The following RALYL variants were observed in gnomAD, a reference collection of about 807,000 sequenced individuals.
RALYL encodes the protein RALY RNA binding protein like, also known as RNA-binding Raly-like protein.
A neutral mutation model predicts 35.1 loss-of-function variants in RALYL; 29 were observed. The observed-to-expected ratio is 0.83, with a 90% CI of 0.61 to 1.13. RALYL has a LOEUF of 1.13. Ranked by LOEUF, RALYL falls within the 50% of genes most tolerant of loss-of-function variation. The pLI is 0.00. For synonymous variants in RALYL, 120 were observed against 127.6 expected, an observed-to-expected ratio of 0.94 and a Z score of 0.40; for missense variants, 359 against 360.4, an observed-to-expected ratio of 1.00 and a Z score of 0.03.
At chr8:84,474,187 T>A (rs1402739358) in intron 1 of RALYL, among the ~76,000 whole-genome samples, 1 of 152,150 alleles carries the variant, frequency 6.6e-6, no homozygotes, top group Non-Finnish European at 1.5e-5. Context: ...AAATGGAGGT[T>A]TAGTAATGAA....
chr8:84,709,243 A>T (rs534677700), intron 2 of RALYL, among the ~76,000 whole-genome samples: 1 of 152,208 alleles, frequency 6.6e-6, no homozygotes, highest in East Asian at 1.9e-4. Flanking sequence ...CACAACCCTC[A>T]TCAGGTCATT....
chr8:84,539,866 A>ATATATG (rs2059892967), intron 2 of RALYL, among the ~76,000 whole-genome samples: 1 of 6,440 alleles, frequency 1.6e-4, no homozygotes. Flanking sequence ...ATATATATAT[A>ATATATG]TATATATATA....
intron 1 of RALYL, among the ~76,000 whole-genome samples, chr8:84,255,282 C>T (rs551653079): frequency 5.8e-4 from 88 of 152,188 alleles, no homozygotes; most frequent in Admixed American, 1.6e-3. Flanking sequence ...ACCAAACCCA[C>T]TGCAAAGTCT....
intron 1 of RALYL, among the ~76,000 whole-genome samples, chr8:84,515,138 C>T (rs573354588): frequency 1.2e-4 from 19 of 152,202 alleles, no homozygotes; most frequent in African/African-American, 4.1e-4. Context: ...TTTATGTTTA[C>T]GACCCTAAGC....
chr8:84,570,328 T>G (rs1460281423), intron 2 of RALYL, among the ~76,000 whole-genome samples: 3 of 151,874 alleles, frequency 2.0e-5, no homozygotes, highest in Non-Finnish European at 4.4e-5. Context: ...CTAAATTGTT[T>G]TTTTTTTCTA....
intron 1 of RALYL, among the ~76,000 whole-genome samples, chr8:84,453,757 A>G (rs1474897445): frequency 3.3e-5 from 5 of 152,054 alleles, no homozygotes; most frequent in Admixed American, 6.6e-5. Context: ...GACTAGTTTC[A>G]TTAATACTAT....
At chr8:84,729,730 C>A (rs1845756912) in intron 2 of RALYL, among the ~76,000 whole-genome samples, 1 of 151,942 alleles carries the variant, frequency 6.6e-6, no homozygotes, top group African/African-American at 2.4e-5. Context: ...GAAATACAAA[C>A]TACCATCAGA....
intron 2 of RALYL, among the ~76,000 whole-genome samples, chr8:84,543,546 A>G (rs2060159332): frequency 6.6e-6 from 1 of 152,070 alleles, no homozygotes; most frequent in Non-Finnish European, 1.5e-5. Flanking sequence ...AGTATTTTCT[A>G]AAGACTAAAA....
intron 1 of RALYL, among the ~76,000 whole-genome samples, chr8:84,358,459 G>T (rs974808717): frequency 2.0e-5 from 3 of 151,944 alleles, no homozygotes; most frequent in Non-Finnish European, 4.4e-5. Flanking sequence ...TACATGAAAC[G>T]ATGTTGTTTA....
At chr8:84,483,011 CTT>C (rs1162091367) in intron 1 of RALYL, among the ~76,000 whole-genome samples, 1 of 151,994 alleles carries the variant, frequency 6.6e-6, no homozygotes, top group African/African-American at 2.4e-5. Flanking sequence ...AAATTAACCT[CTT>C]TATGTAAAAG....
intron 4 of RALYL, among the ~76,000 whole-genome samples, chr8:84,844,734 G>C (rs962311280): frequency 2.0e-5 from 3 of 152,212 alleles, no homozygotes; most frequent in African/African-American, 4.8e-5. Flanking sequence ...GTCCAACAAT[G>C]ATAGAGTGGA....
At chr8:84,680,890 A>G (rs1332434338) in intron 2 of RALYL, among the ~76,000 whole-genome samples, 3 of 151,900 alleles carry the variant, frequency 2.0e-5, no homozygotes, top group Non-Finnish European at 4.4e-5. Context: ...TTTTGTTGCC[A>G]TTGCTTTTGG....
At chr8:84,332,547 C>T (rs146555666) in intron 1 of RALYL, among the ~76,000 whole-genome samples, 8 of 152,094 alleles carry the variant, frequency 5.3e-5, no homozygotes, top group African/African-American at 1.9e-4. Flanking sequence ...TTACAGAAAA[C>T]GAGAAACCAG....
At chr8:84,810,413 A>G (rs1825655814) in intron 4 of RALYL, among the ~76,000 whole-genome samples, 1 of 152,124 alleles carries the variant, frequency 6.6e-6, no homozygotes. Flanking sequence ...TGTATGGCCT[A>G]TGTTTTAGAA....
rs1421272408 is a variant in RALYL at position 84,415,363 on chromosome 8, C to T, written c.-23-113936C>T. 8.6e-5 allele frequency among the ~76,000 whole-genome samples: 13 copies of T among 151,944 alleles called. 1 individual carries two copies. Among genetic ancestry groups the T allele is most frequent in the Admixed American group, 8.5e-4 (13 of 15,254 alleles). On this transcript the variant is annotated intron_variant, in intron 1 of 8. Transcript: ENST00000521268. ...CAAGCGATTCTCCTGCCTCAGCCTCCCTAGTAGCTGGGATTACAGGCGCCT... is the reference window on the plus strand; with the variant it reads ...CAAGCGATTCTCCTGCCTCAGCCTCTCTAGTAGCTGGGATTACAGGCGCCT...
chr8:84,858,009 C>CAATT (rs1388043819), intron 5 of RALYL, among the ~76,000 whole-genome samples: 1 of 151,980 alleles, frequency 6.6e-6, no homozygotes, highest in Admixed American at 6.5e-5. Flanking sequence ...TGTCCAAAAA[C>CAATT]AATTATTGTT....
intron 4 of RALYL, among the ~76,000 whole-genome samples, chr8:84,838,165 TA>T (rs759968048): frequency 1.4e-4 from 21 of 152,292 alleles, no homozygotes; most frequent in East Asian, 1.2e-3. Context: ...TTCTTAGCAA[TA>T]CAGTTCTAGG....
intron 1 of RALYL, among the ~76,000 whole-genome samples, chr8:84,195,988 A>G (rs1815176248): frequency 6.6e-6 from 1 of 152,232 alleles, no homozygotes; most frequent in Admixed American, 6.5e-5. Flanking sequence ...ATATATTGAG[A>G]TTACTCAAAA....
chr8:84,310,006 C>T (rs142466721), intron 1 of RALYL, among the ~76,000 whole-genome samples: 8 of 151,960 alleles, frequency 5.3e-5, no homozygotes, highest in East Asian at 1.9e-4. Context: ...AAATTACAGG[C>T]GTGAGCCACA....
Sources: allele counts gnomAD v4.1 joint callset (sites outside exome capture counted in the v4.1 genomes callset), GRCh38; gene constraint gnomAD v4.1.1; transcripts MANE v1.5; gene names NCBI Gene and HGNC (gene_info 2026-07-23, HGNC 2026-07-21).